The following CNN1 variants were observed in gnomAD, a reference collection of about 807,000 sequenced individuals.
CNN1 encodes the protein calponin 1.
Under a neutral mutation model 35.3 loss-of-function variants are expected in CNN1, and 21 were observed. That is an observed-to-expected ratio of 0.60 (90% CI 0.42 to 0.86). CNN1 has a LOEUF of 0.86. Among genes scored for constraint, CNN1 ranks in the 40% least tolerant of loss-of-function variants. The pLI, the probability that CNN1 is intolerant of heterozygous loss-of-function variation, is 0.00. For synonymous variants in CNN1, 164 were observed against 161.8 expected (o/e 1.01, Z -0.10); for missense variants, 314 against 400.8 (o/e 0.78, Z 1.85).
At chr19:11,545,631 T>G in intron 2 of CNN1, among the ~76,000 whole-genome samples, 2 of 147,892 alleles carry the variant, frequency 1.4e-5, no homozygotes, top group African/African-American at 2.5e-5. Flanking sequence ...GATGAGGGAG[T>G]TGCTGGCATA....
At chr19:11,539,077 C>A in intron 1 of CNN1, 87 bp downstream of exon 1, 2 of 1,225,488 alleles carry the variant, frequency 1.6e-6, no homozygotes, top group Non-Finnish European at 1.1e-6. Context: ...CCCCTCCTGC[C>A]TATCCTATGT....
Position 11,547,778 on chromosome 19 carries a change from C to T in CNN1, c.391-19C>T. 1 of 1,608,318 alleles carries T rather than the reference C, an allele frequency of 6.2e-7. No individual in the cohort carries two copies. Among genetic ancestry groups the T allele is most frequent in the Non-Finnish European group, 8.5e-7 (1 of 1,175,876 alleles). On this transcript the variant is annotated intron_variant, in intron 4 of 6. Coordinates refer to ENST00000252456, the MANE Select transcript of CNN1 (RefSeq NM_001299.6). ...CTGGAGGCCCCCTTGTCAGTCCCTG[C>T]TTTCCCTGCCCCACCTAGGCGAAGA...
intron 2 of CNN1, among the ~76,000 whole-genome samples, chr19:11,545,738 T>G (rs1972565257): frequency 6.8e-6 from 1 of 147,232 alleles, no homozygotes; most frequent in African/African-American, 2.5e-5. Flanking sequence ...GAGGATCGCT[T>G]GAGCCCAGGA....
Position 11,549,658 on chromosome 19 carries a change from G to A in CNN1, c.757G>A (p.Ala253Thr), listed in dbSNP as rs1568418171. ...CCTGCAGATGGGCAGCAACAAGGGC[G>A]CCTCGCAGCGGGGCATGACGGTGTA... ...VSLQMGSNKG[A>T]SQRGMTVYGL... is the part of the protein sequence containing the mutation. Residue 253 changes from alanine to threonine, a missense_variant, in exon 7 of 7, where the codon GCC becomes ACC. Coordinates refer to ENST00000252456, the MANE Select transcript of CNN1 (RefSeq NM_001299.6). This position sits in a 1 kb window ranked among gnomAD's most constrained non-coding sequence, Gnocchi z 5.2. The A allele has an allele frequency of 6.2e-7, 1 of 1,614,000 alleles. No homozygotes were observed. The highest frequency in any genetic ancestry group is 1.7e-5 in the Admixed American group (1 of 60,012).
chr19:11,543,463 T>TATAATGATAATAATAATA (rs1972508732), intron 2 of CNN1, among the ~76,000 whole-genome samples: 1 of 147,616 alleles, frequency 6.8e-6, no homozygotes, highest in South Asian at 2.1e-4. Context: ...GAACTTAAAG[T>TATAATGATAATAATAATA]ATAATAATAA....
chr19:11,549,909 G>A lies in CNN1; in HGVS notation c.*114G>A. ...TGCATGGCATCCTCCAGCCCCTGTA[G>A]AACTCAACCTCTACAGGGTTAGAGT... On this transcript the variant is annotated 3_prime_UTR_variant, in exon 7 of 7. Transcript: ENST00000252456. The surrounding 1 kb of genome is among the most constrained non-coding windows in gnomAD (Gnocchi z 5.2). 2 of 1,434,590 alleles carry A rather than the reference G, an allele frequency of 1.4e-6. No homozygotes were observed. Among genetic ancestry groups the A allele is most frequent in the Admixed American group, 4.4e-5 (2 of 45,150 alleles). 88.9% of individuals were successfully genotyped at this position (1,434,590 alleles called of 1,614,324 possible).
At chr19:11,539,992 T>A in intron 1 of CNN1, 2 of 1,057,958 alleles carry the variant, frequency 1.9e-6, no homozygotes, top group Non-Finnish European at 1.1e-6. Flanking sequence ...GCCGGGCTGG[T>A]GGCGTGGGGG....
chr19:11,539,005 C>T lies in CNN1; in HGVS notation c.63+15C>T. On this transcript the variant is annotated intron_variant, in intron 1 of 6. Transcript: ENST00000252456. Reference sequence around the variant, plus strand: ...TTAAGAACAAGGTAGGGCTGGAGGGCCTCCCTGGCCTGGCCCACACGTCCT... The same window carrying T: ...TTAAGAACAAGGTAGGGCTGGAGGGTCTCCCTGGCCTGGCCCACACGTCCT... 6.4e-7 allele frequency: 1 copy of T among 1,566,702 alleles called. No homozygotes were observed. Among genetic ancestry groups the T allele is most frequent in the Non-Finnish European group, 8.7e-7 (1 of 1,154,322 alleles).
intron 4 of CNN1, 95 bp from the exon 5 acceptor site, chr19:11,547,702 G>C: frequency 2.1e-6 from 2 of 974,480 alleles, no homozygotes; most frequent in Non-Finnish European, 3.1e-6. Flanking sequence ...AACAGAGCGA[G>C]ACTCTGTGTC....
chr19:11,547,708 G>A (rs2145042256), intron 4 of CNN1, 89 bp from the exon 5 acceptor site: 1 of 1,052,618 alleles, frequency 9.5e-7, no homozygotes, highest in Non-Finnish European at 1.4e-6. Flanking sequence ...GCGAGACTCT[G>A]TGTCAACAAC....
chr19:11,538,908 G>A lies in CNN1; in HGVS notation c.-20G>A, dbSNP rs752496291. 2.7e-5 allele frequency: 42 copies of A among 1,544,218 alleles called. 1 individual carries two copies. In the South Asian group the frequency reaches 5.0e-4, roughly 18 times the overall value. On this transcript the variant is annotated 5_prime_UTR_variant, in exon 1 of 7. Transcript: ENST00000252456. ...CAGCGTCAGTGCCGCCACTGCCCCCGCCAGAGCCCACCGGCCAGCATGTCC... is the reference window on the plus strand; with the variant it reads ...CAGCGTCAGTGCCGCCACTGCCCCCACCAGAGCCCACCGGCCAGCATGTCC...
intron 4 of CNN1, among the ~76,000 whole-genome samples, chr19:11,547,453 G>A (rs1972615616): frequency 6.6e-6 from 1 of 152,042 alleles, no homozygotes. Context: ...GCTCACGCCT[G>A]TAATCCCAGC....
rs370744850 is a variant in CNN1 at position 11,546,888 on chromosome 19, C to T, written c.309C>T (p.His103=). 18 of 1,614,124 alleles carry T rather than the reference C, an allele frequency of 1.1e-5. No individual in the cohort carries two copies. The highest frequency in any genetic ancestry group is 1.1e-4 in the East Asian group (5 of 44,898). The change falls in exon 4 of 7, where the codon CAC becomes CAT. Residue 103 remains histidine, a synonymous_variant. Transcript: ENST00000252456. The stretch of plus-strand genomic sequence containing the variant: ...TCACCAAGTATGGGGTGAAGCCCCA[C>T]GACATTTTTGAGGCCAACGACCTGT... The part of the protein sequence containing the change: ...KAITKYGVKP[H]DIFEANDLFE...
chr19:11,549,663 G>A lies in CNN1; in HGVS notation c.762G>A (p.Ser254=), dbSNP rs1972673964. ...AGATGGGCAGCAACAAGGGCGCCTC[G>A]CAGCGGGGCATGACGGTGTATGGGC... is the stretch of plus-strand genomic sequence containing the variant. ...SLQMGSNKGA[S]QRGMTVYGLP... is the part of the protein sequence containing the mutation. The change falls in exon 7 of 7, where the codon TCG becomes TCA. Residue 254 remains serine, a synonymous_variant. Transcript: ENST00000252456. This position sits in a 1 kb window ranked among gnomAD's most constrained non-coding sequence, Gnocchi z 5.2. 13 of 1,613,742 alleles carry A rather than the reference G, an allele frequency of 8.1e-6. No homozygotes were observed. Among genetic ancestry groups the A allele is most frequent in the Non-Finnish European group, 1.0e-5 (12 of 1,179,868 alleles).
At position 11,549,860 on chromosome 19, in the gene CNN1, CAGGCCCAGCCGACCCCCTCTCCCTGCA is replaced by C. The variant is rs2145047078; in HGVS notation, c.*66_*92del. On this transcript the variant is annotated 3_prime_UTR_variant, in exon 7 of 7. Transcript: ENST00000252456. This position sits in a 1 kb window ranked among gnomAD's most constrained non-coding sequence, Gnocchi z 5.2. ...GCTGCTGCTCTTGGCTGGACCCAGC[CAGGCCCAGCCGACCCCCTCTCCCTGCA>C]TGGCATCCTCCAGCCCCTGTAGAAC... is the stretch of plus-strand genomic sequence containing the variant. 1.9e-6 allele frequency: 3 copies of C among 1,543,500 alleles called. No individual in the cohort carries two copies. The East Asian group carries it at 6.8e-5, about 35-fold the overall frequency.
intron 1 of CNN1, chr19:11,540,710 C>T: frequency 5.5e-6 from 1 of 181,290 alleles, no homozygotes; most frequent in East Asian, 1.5e-4. Context: ...CAACAGGGGG[C>T]ACAGAGGGGG....
chr19:11,540,154 G>C (rs915446446), intron 1 of CNN1: 3 of 718,338 alleles, frequency 4.2e-6, no homozygotes, highest in East Asian at 1.3e-4. Flanking sequence ...GTGGGGGAGG[G>C]GGGGGACAGT....
Position 11,550,030 on chromosome 19 carries a change from C to G in CNN1, c.*235C>G. 1 of 530,366 alleles carries G rather than the reference C, an allele frequency of 1.9e-6. No individual in the cohort carries two copies. The highest frequency in any genetic ancestry group is 1.9e-5 in the African/African-American group (1 of 51,618). 32.9% of individuals were successfully genotyped at this position (530,366 alleles called of 1,614,324 possible). Reference sequence around the variant, plus strand: ...CCAACATAGAGCCGGGTGTCCCCAACAGCGCCCAAAGGACGCACTGAGCAA... The same window carrying G: ...CCAACATAGAGCCGGGTGTCCCCAAGAGCGCCCAAAGGACGCACTGAGCAA... On this transcript the variant is annotated 3_prime_UTR_variant, in exon 7 of 7. Coordinates refer to ENST00000252456, the MANE Select transcript of CNN1 (RefSeq NM_001299.6).
chr19:11,543,455 A>T (rs553436130), intron 2 of CNN1, among the ~76,000 whole-genome samples: 4 of 150,072 alleles, frequency 2.7e-5, no homozygotes, highest in Non-Finnish European at 5.9e-5. Context: ...GTACCCTAGA[A>T]CTTAAAGTAT....
Sources: gnomAD v4.1 joint callset for allele counts (sites outside exome capture counted in the v4.1 genomes callset) on GRCh38, gnomAD v4.1.1 for gene constraint, Gnocchi (gnomAD v3.1) non-coding constraint, MANE v1.5 for transcripts, NCBI Gene and HGNC (gene_info 2026-07-23, HGNC 2026-07-21) for gene names.